TNRC6B: variants seen among roughly 807,000 people sequenced by gnomAD.
The protein encoded by TNRC6B is trinucleotide repeat containing adaptor 6B.
Under a neutral mutation model 203.6 loss-of-function variants are expected in TNRC6B, and 52 were observed. The observed-to-expected ratio is 0.26, with a 90% CI of 0.20 to 0.32. TNRC6B has a LOEUF of 0.32. Among genes scored for constraint, TNRC6B ranks in the 10% least tolerant of loss-of-function variants. The pLI is 1.00. For missense variants in TNRC6B, 1,923 were observed against 2,286.2 expected (o/e 0.84, Z 3.24); for synonymous variants, 838 against 845.7 (o/e 0.99, Z 0.16).
chr22:40,200,356 G>A lies in TNRC6B; in HGVS notation c.5+22216G>A, dbSNP rs188838568. Among the ~76,000 whole-genome samples the A allele has an allele frequency of 2.9e-4, 33 of 115,368 alleles. No homozygotes were observed. The East Asian group carries it at 8.8e-3, about 31-fold the overall frequency. 75.7% of individuals were successfully genotyped at this position (115,368 alleles called of 152,430 possible). ...AGCTGAAGTACAGTGGCATGATCTC[G>A]GCTCACTACAACCTCTGCCTGCCGG... On this transcript the variant is annotated intron_variant, in intron 1 of 22. Transcript: ENST00000454349.
intron 21 of TNRC6B, among the ~76,000 whole-genome samples, chr22:40,319,889 A>G (rs207478000): frequency 6.6e-6 from 1 of 152,188 alleles, no homozygotes; most frequent in African/African-American, 2.4e-5. Context: ...AAAGGGGACT[A>G]CTTTATCTGG....
At chr22:40,069,709 A>G (rs985463375) in intron 1 of TNRC6B, among the ~76,000 whole-genome samples, 1 of 150,638 alleles carries the variant, frequency 6.6e-6, no homozygotes, top group Non-Finnish European at 1.5e-5. Flanking sequence ...CTGGTCTTGA[A>G]CTCCCAACCT....
chr22:40,242,498 T>G (rs2070044822), intron 1 of TNRC6B, among the ~76,000 whole-genome samples: 1 of 152,060 alleles, frequency 6.6e-6, no homozygotes, highest in African/African-American at 2.4e-5. Context: ...TGGCACGATT[T>G]CGGCCCACCG....
At chr22:40,187,254 G>C (rs749698857) in intron 1 of TNRC6B, among the ~76,000 whole-genome samples, 26 of 152,264 alleles carry the variant, frequency 1.7e-4, no homozygotes, top group Non-Finnish European at 2.9e-4. Flanking sequence ...TAGCACCATC[G>C]CAAAGCATTT....
At chr22:40,293,087 A>G (rs1188910753) in intron 12 of TNRC6B, among the ~76,000 whole-genome samples, 3 of 151,882 alleles carry the variant, frequency 2.0e-5, no homozygotes, top group East Asian at 1.9e-4. Flanking sequence ...TTATATGACT[A>G]TACCATAATT....
chr22:40,158,339 TCAA>T (rs1003263442), intron 4 of TNRC6B, among the ~76,000 whole-genome samples: 4 of 127,658 alleles, frequency 3.1e-5, no homozygotes, highest in African/African-American at 1.2e-4. Flanking sequence ...AACTCCATCT[TCAA>T]TAAATAAATA....
intron 3 of TNRC6B, among the ~76,000 whole-genome samples, chr22:40,131,156 G>A (rs1314718690): frequency 1.3e-5 from 2 of 152,036 alleles, no homozygotes; most frequent in African/African-American, 2.4e-5. Flanking sequence ...TCCTGACCTC[G>A]TGATCCGCCC....
intron 1 of TNRC6B, among the ~76,000 whole-genome samples, chr22:40,049,678 G>A (rs866262644): frequency 1.3e-5 from 2 of 151,038 alleles, no homozygotes; most frequent in African/African-American, 4.8e-5. Flanking sequence ...ATTTTGGCTC[G>A]CTGCAACTTC....
At chr22:40,212,079 C>T (rs2069572397) in intron 1 of TNRC6B, among the ~76,000 whole-genome samples, 1 of 152,206 alleles carries the variant, frequency 6.6e-6, no homozygotes, top group Non-Finnish European at 1.5e-5. Context: ...GCCTGAAAGA[C>T]AAAGCCCTTT....
intron 1 of TNRC6B, among the ~76,000 whole-genome samples, chr22:40,220,641 T>C (rs1260161050): frequency 6.6e-6 from 1 of 152,212 alleles, no homozygotes; most frequent in East Asian, 1.9e-4. Context: ...GTTTTGATGC[T>C]CGGTGTTTCA....
At chr22:40,215,104 C>G (rs1264662862) in intron 1 of TNRC6B, among the ~76,000 whole-genome samples, 3 of 151,454 alleles carry the variant, frequency 2.0e-5, no homozygotes, top group African/African-American at 7.3e-5. Flanking sequence ...AAGGATGTAT[C>G]TTAACAATTC....
At chr22:40,255,284 C>T (rs2070255149) in intron 3 of TNRC6B, among the ~76,000 whole-genome samples, 2 of 152,170 alleles carry the variant, frequency 1.3e-5, no homozygotes, top group African/African-American at 4.8e-5. Flanking sequence ...AGGTGTTGTC[C>T]TTTGCCACTG....
At chr22:40,075,156 A>ATATATATTTTT in intron 1 of TNRC6B, among the ~76,000 whole-genome samples, 2 of 35,558 alleles carry the variant, frequency 5.6e-5, no homozygotes, top group African/African-American at 1.0e-4. Context: ...ATATATATAT[A>ATATATATTTTT]TTTTTTTTTT....
chr22:40,323,369 A>G lies in TNRC6B; in HGVS notation c.*128A>G. Reference sequence around the variant, plus strand: ...AAAAGGAAAAAAGAAAACGGAGAGAAAAAAAGGTGGGTCATTGACAGACTG... The same window carrying G: ...AAAAGGAAAAAAGAAAACGGAGAGAGAAAAAGGTGGGTCATTGACAGACTG... On this transcript the variant is annotated 3_prime_UTR_variant, in exon 23 of 23. Coordinates refer to ENST00000454349, the MANE Select transcript of TNRC6B (RefSeq NM_001162501.2). The G allele has an allele frequency of 8.0e-7, 1 of 1,252,474 alleles. No individual in the cohort carries two copies. Among genetic ancestry groups the G allele is most frequent in the Non-Finnish European group, 1.1e-6 (1 of 928,482 alleles). 77.6% of individuals were successfully genotyped at this position (1,252,474 alleles called of 1,614,324 possible).
In TNRC6B at chr22:40,264,706, C is replaced by A; in HGVS notation, c.476C>A (p.Ala159Asp). The A allele has an allele frequency of 6.3e-7, 1 of 1,596,848 alleles. No homozygotes were observed. Among genetic ancestry groups the A allele is most frequent in the South Asian group, 1.1e-5 (1 of 88,728 alleles). ...TCCCCAGACTCAACCCTTGGAGGTG[C>A]TGCTGCTTCAAATTATGCAAATTCC... ...GTAPDSTLGGAAASNYANSTW... is the reference protein window; with the variant it reads ...GTAPDSTLGGDAASNYANSTW... Residue 159 changes from alanine (A) to aspartate (D), a missense_variant, in exon 5 of 23, where the codon GCT becomes GAT. By Grantham distance (126) the Ala-to-Asp change is moderately radical (BLOSUM62 -2). Transcript: ENST00000454349.
At chr22:40,286,133 T>A (rs2070776902) in intron 12 of TNRC6B, among the ~76,000 whole-genome samples, 1 of 152,228 alleles carries the variant, frequency 6.6e-6, no homozygotes, top group Non-Finnish European at 1.5e-5. Context: ...TTCTGATGTG[T>A]CAATGTTCAG....
intron 22 of TNRC6B, among the ~76,000 whole-genome samples, 195 bp from the exon 23 acceptor site, chr22:40,322,659 G>T (rs1279396142): frequency 6.6e-6 from 1 of 152,102 alleles, no homozygotes; most frequent in South Asian, 2.1e-4. Context: ...ATTACCTGGC[G>T]GTCTGGTTGA....
intron 12 of TNRC6B, among the ~76,000 whole-genome samples, chr22:40,299,171 AAAAC>A (rs1408345708): frequency 9.9e-5 from 15 of 151,554 alleles, no homozygotes; most frequent in Non-Finnish European, 1.0e-4. Flanking sequence ...AAAAAAAAAA[AAAAC>A]AAAACTGGGG....
chr22:40,182,515 C>T (rs886585428), intron 1 of TNRC6B, among the ~76,000 whole-genome samples: 1 of 152,220 alleles, frequency 6.6e-6, no homozygotes, highest in Non-Finnish European at 1.5e-5. Context: ...TTATTTAACT[C>T]ATGGCAGTGA....
Sources: gnomAD v4.1 joint callset for allele counts (sites outside exome capture counted in the v4.1 genomes callset) on GRCh38, gnomAD v4.1.1 for gene constraint, MANE v1.5 for transcripts, NCBI Gene and HGNC (gene_info 2026-07-23, HGNC 2026-07-21) for gene names.